The following NCKAP1 variants were observed in gnomAD, a reference collection of about 807,000 sequenced individuals.
The protein encoded by NCKAP1 is NCK associated protein 1, also known as nck-associated protein 1.
Under a neutral mutation model 151.2 loss-of-function variants are expected in NCKAP1, and 21 were observed. That is an observed-to-expected ratio of 0.14 (90% CI 0.10 to 0.20). The LOEUF (loss-of-function observed/expected upper bound fraction) is 0.20. Among genes scored for constraint, NCKAP1 ranks in the 10% least tolerant of loss-of-function variants. The pLI, the probability that NCKAP1 is intolerant of heterozygous loss-of-function variation, is 1.00. For missense variants in NCKAP1, 933 were observed against 1,352.1 expected (o/e 0.69, Z 4.86); for synonymous variants, 484 against 451.8 (o/e 1.07, Z -0.90).
chr2:183,011,505 T>C (rs893814230), intron 2 of NCKAP1, among the ~76,000 whole-genome samples: 1 of 152,230 alleles, frequency 6.6e-6, no homozygotes, highest in Admixed American at 6.5e-5. Context: ...AGCTTGCCTT[T>C]TCTAGACATT....
intron 6 of NCKAP1, among the ~76,000 whole-genome samples, chr2:182,998,958 C>G (rs1698327423): frequency 6.6e-6 from 1 of 151,344 alleles, no homozygotes; most frequent in East Asian, 1.9e-4. Flanking sequence ...GAGGTGAAAC[C>G]TCTCTAAGAG....
Position 182,996,992 on chromosome 2 carries a change from T to A in NCKAP1, c.604-1154A>T, listed in dbSNP as rs549301850. 5.3e-5 allele frequency among the ~76,000 whole-genome samples: 8 copies of A among 152,330 alleles called. No individual in the cohort carries two copies. In the East Asian group the frequency reaches 9.6e-4, roughly 18 times the overall value. The stretch of plus-strand genomic sequence containing the variant: ...GGAAATTTGGGAGGTTGTTATGTTA[T>A]GGGAATTTACCACTTCCTCTAGATT... On this transcript the variant is annotated intron_variant, in intron 6 of 30. Coordinates refer to ENST00000361354, the MANE Select transcript of NCKAP1 (RefSeq NM_013436.5).
chr2:183,038,438 C>CGGA lies in NCKAP1; in HGVS notation c.-340_-339insTCC, dbSNP rs1699153466. The CGGA allele has an allele frequency of 5.4e-6, 1 of 186,812 alleles. No homozygotes were observed. The highest frequency in any genetic ancestry group is 1.5e-4 in the South Asian group (1 of 6,584). 11.6% of individuals were successfully genotyped at this position (186,812 alleles called of 1,614,324 possible). A position where few individuals can be genotyped will look rare whatever the true frequency, so the allele number is the denominator to read the frequency against. On this transcript the variant is annotated 5_prime_UTR_variant, in exon 1 of 31. Coordinates refer to ENST00000361354, the MANE Select transcript of NCKAP1 (RefSeq NM_013436.5). ...GGTGTGGCGGCGGCGGCGGCGGCGG[C>CGGA]GGCGTCTCCGGCGGCTGAGAACGAG...
chr2:182,922,091 A>C lies in NCKAP1; in HGVS notation c.*3611T>G, dbSNP rs565831221. 4.7e-4 allele frequency: 72 copies of C among 152,332 alleles called. No homozygotes were observed. Among genetic ancestry groups the C allele is most frequent in the Middle Eastern group, 3.4e-3 (1 of 294 alleles). The allele number at this position is 152,332 out of a possible 1,614,324, so 9.4% of individuals were successfully genotyped here. A position where few individuals can be genotyped will look rare whatever the true frequency, so the allele number is the denominator to read the frequency against. ...CTGTCATTTCAAGTGACTACAAAGA[A>C]GAAATGAAAGAAAGATGTAAGGAGT... On this transcript the variant is annotated 3_prime_UTR_variant, in exon 31 of 31. Coordinates refer to ENST00000361354, the MANE Select transcript of NCKAP1 (RefSeq NM_013436.5).
At chr2:183,005,790 T>TTC (rs1280394784) in intron 2 of NCKAP1, among the ~76,000 whole-genome samples, 1 of 152,166 alleles carries the variant, frequency 6.6e-6, no homozygotes, top group Non-Finnish European at 1.5e-5. Flanking sequence ...ATTCACTATT[T>TTC]TCTATACACA....
At chr2:182,955,011 A>G (rs559881926) in intron 20 of NCKAP1, among the ~76,000 whole-genome samples, 4 of 152,256 alleles carry the variant, frequency 2.6e-5, no homozygotes, top group South Asian at 2.1e-4. Flanking sequence ...TGAGAATAAT[A>G]AACACCACAA....
In NCKAP1 at chr2:183,018,158, A is replaced by G. The variant is rs933392768; in HGVS notation, c.219+5648T>C. On this transcript the variant is annotated intron_variant, in intron 2 of 30. Transcript: ENST00000361354. ...GCTACTCGGGAAGCTGAGGCAGGAG[A>G]ATCGCTTGAATTCGGGAGGCAGAGG... Among the ~76,000 whole-genome samples, 26 of 152,136 alleles carry G rather than the reference A, an allele frequency of 1.7e-4. 1 individual carries two copies. The highest frequency in any genetic ancestry group is 1.2e-4 in the Non-Finnish European group (8 of 68,034).
intron 20 of NCKAP1, among the ~76,000 whole-genome samples, chr2:182,953,548 C>A (rs946496615): frequency 1.3e-5 from 2 of 152,196 alleles, no homozygotes; most frequent in African/African-American, 2.4e-5. Flanking sequence ...CTATTGTAAT[C>A]CCAGCATTTT....
Position 182,964,798 on chromosome 2 carries a change from G to A in NCKAP1, c.1639C>T (p.Arg547Cys), listed in dbSNP as rs376970668. 90 of 1,598,782 alleles carry A rather than the reference G, an allele frequency of 5.6e-5. No individual in the cohort carries two copies. The highest frequency in any genetic ancestry group is 7.4e-5 in the Non-Finnish European group (87 of 1,173,666). Residue 547 changes from arginine to cysteine, a missense_variant, in exon 17 of 31, where the codon CGT (arginine) becomes TGT (cysteine). Arg to Cys is a radical substitution (Grantham distance 180, BLOSUM62 -3). Coordinates refer to ENST00000361354, the MANE Select transcript of NCKAP1 (RefSeq NM_013436.5). The stretch of plus-strand genomic sequence containing the variant: ...TGTTGAAACATCTTCTCAAAAGCAC[G>A]ACTATAAAAACTATATAAACAAAAA... ...SDLSIFCFYS[R>C]AFEKMFQQCL...
chr2:183,013,336 T>G (rs1228161085), intron 2 of NCKAP1, among the ~76,000 whole-genome samples: 1 of 152,122 alleles, frequency 6.6e-6, no homozygotes. Context: ...CCCACTGCAT[T>G]CACTGTACTA....
intron 2 of NCKAP1, among the ~76,000 whole-genome samples, chr2:183,014,521 TA>T (rs1302003580): frequency 1.3e-5 from 2 of 152,218 alleles, no homozygotes; most frequent in African/African-American, 4.8e-5. Context: ...CATTCTATCC[TA>T]CACTAGACAA....
chr2:183,014,504 G>A (rs186659522), intron 2 of NCKAP1, among the ~76,000 whole-genome samples: 127 of 152,168 alleles, frequency 8.3e-4, no homozygotes, highest in African/African-American at 2.9e-3. Context: ...ATTTTCCTTA[G>A]GTTCTACATT....
chr2:183,014,032 C>G (rs1698636881), intron 2 of NCKAP1, among the ~76,000 whole-genome samples: 1 of 152,176 alleles, frequency 6.6e-6, no homozygotes, highest in African/African-American at 2.4e-5. Flanking sequence ...TAGTCTTATG[C>G]TTTTACCCTG....
intron 1 of NCKAP1, among the ~76,000 whole-genome samples, chr2:183,029,599 A>C (rs1698966464): frequency 6.6e-6 from 1 of 152,158 alleles, no homozygotes; most frequent in Non-Finnish European, 1.5e-5. Flanking sequence ...AGGCAGGAGA[A>C]TTGCTGGAGC....
At chr2:183,020,005 T>C (rs1455915348) in intron 2 of NCKAP1, among the ~76,000 whole-genome samples, 1 of 151,898 alleles carries the variant, frequency 6.6e-6, no homozygotes, top group African/African-American at 2.4e-5. Flanking sequence ...CAAATAACTA[T>C]GTGCTCAAGG....
intron 2 of NCKAP1, among the ~76,000 whole-genome samples, chr2:183,014,407 A>T (rs1413107463): frequency 1.3e-5 from 2 of 152,186 alleles, no homozygotes; most frequent in African/African-American, 4.8e-5. Flanking sequence ...GTCGAGGCAA[A>T]AGAAACATGG....
intron 9 of NCKAP1, among the ~76,000 whole-genome samples, chr2:182,988,374 T>A (rs562067585): frequency 4.8e-4 from 73 of 152,290 alleles, no homozygotes; most frequent in Non-Finnish European, 8.8e-4. Flanking sequence ...AACATAAGTA[T>A]AGCAGATCCT....
intron 1 of NCKAP1, 55 bp downstream of exon 1, chr2:183,037,937 T>C: frequency 7.2e-7 from 1 of 1,393,390 alleles, no homozygotes; most frequent in Non-Finnish European, 9.7e-7. Flanking sequence ...TCCCTTGCCC[T>C]TCATCCCTCC....
At chr2:182,993,999 T>C (rs888100591) in intron 8 of NCKAP1, among the ~76,000 whole-genome samples, 5 of 152,150 alleles carry the variant, frequency 3.3e-5, no homozygotes, top group African/African-American at 1.2e-4. Context: ...ATGTTCACAA[T>C]AAAACGAAGG....
Sources: gnomAD v4.1 joint callset for allele counts (sites outside exome capture counted in the v4.1 genomes callset) on GRCh38, gnomAD v4.1.1 for gene constraint, MANE v1.5 for transcripts, NCBI Gene and HGNC (gene_info 2026-07-23, HGNC 2026-07-21) for gene names.